Variants in DMD observed in about 807,000 individuals in gnomAD.
The protein encoded by DMD is mutant dystrophin.
In DMD, 63 loss-of-function variants were observed where a neutral mutation model predicts 330.1. The observed-to-expected ratio is 0.19, with a 90% CI of 0.16 to 0.24. DMD has a LOEUF of 0.24. Ranked by LOEUF, DMD falls within the 10% of genes least tolerant of loss-of-function variation. The pLI is 1.00. For synonymous variants in DMD, 1,223 were observed against 959.8 expected (o/e 1.27, Z -5.07); for missense variants, 3,344 against 2,684.1 (o/e 1.25, Z -5.43).
chrX:32,064,792 T>C (rs1019547183), intron 44 of DMD, among the ~76,000 whole-genome samples: 3 of 111,502 alleles, frequency 2.7e-5, no homozygotes, highest in Non-Finnish European at 5.7e-5. Flanking sequence ...CTCAACCCAT[T>C]CTTAAAATGT....
intron 1 of DMD, among the ~76,000 whole-genome samples, chrX:33,151,614 G>T (rs750832801): frequency 8.9e-5 from 10 of 111,929 alleles, no homozygotes; most frequent in African/African-American, 3.2e-4. Flanking sequence ...AGCCTGTCTG[G>T]GGTCAAATTC....
chrX:32,759,506 A>C (rs1389745192), intron 7 of DMD, among the ~76,000 whole-genome samples: 1 of 111,240 alleles, frequency 9.0e-6, no homozygotes, highest in Non-Finnish European at 1.9e-5. Flanking sequence ...CACACCTGGC[A>C]ACATGGGAGA....
chrX:33,067,813 C>T (rs983766030), intron 1 of DMD, among the ~76,000 whole-genome samples: 5 of 111,591 alleles, frequency 4.5e-5, no homozygotes, highest in South Asian at 3.8e-4. Context: ...CCACTGCACT[C>T]CAGCCTGGGC....
intron 47 of DMD, among the ~76,000 whole-genome samples, chrX:31,883,056 T>G (rs755530906): frequency 1.8e-5 from 2 of 111,831 alleles, no homozygotes; most frequent in African/African-American, 6.5e-5. Context: ...AGCCCCATAA[T>G]AGACACAGCC....
At chrX:33,297,884 C>T (rs2053606177) in intron 1 of DMD, among the ~76,000 whole-genome samples, 1 of 110,250 alleles carries the variant, frequency 9.1e-6, no homozygotes, top group African/African-American at 3.3e-5. Context: ...TAACGTACAG[C>T]ATGGTAACTG....
intron 78 of DMD, among the ~76,000 whole-genome samples, chrX:31,122,927 C>CTAAT (rs1187697024): frequency 9.0e-6 from 1 of 111,723 alleles, no homozygotes; most frequent in East Asian, 2.8e-4. Context: ...TTTTACATGG[C>CTAAT]TAATTTTAAT....
At chrX:32,682,554 T>C (rs1305855480) in intron 9 of DMD, among the ~76,000 whole-genome samples, 3 of 111,740 alleles carry the variant, frequency 2.7e-5, no homozygotes, top group South Asian at 7.5e-4. Flanking sequence ...ACTTAGTTTA[T>C]GATTTCAATT....
intron 52 of DMD, among the ~76,000 whole-genome samples, chrX:31,691,454 T>C (rs746011445): frequency 1.4e-3 from 159 of 111,259 alleles, no homozygotes; most frequent in African/African-American, 5.2e-3. Flanking sequence ...TGAATGTAAA[T>C]AGATTAAACT....
intron 21 of DMD, among the ~76,000 whole-genome samples, chrX:32,482,899 T>C (rs2042038481): frequency 9.2e-6 from 1 of 108,877 alleles, no homozygotes; most frequent in Non-Finnish European, 1.9e-5. Flanking sequence ...GCCAGGTTTT[T>C]GTGTGAAAAA....
chrX:31,427,096 T>A (rs1235930012), intron 60 of DMD, among the ~76,000 whole-genome samples: 2 of 111,723 alleles, frequency 1.8e-5, no homozygotes, highest in Non-Finnish European at 3.8e-5. Context: ...ATAATTTAAT[T>A]ATATTTCATC....
At chrX:31,295,646 A>C (rs1041614520) in intron 62 of DMD, among the ~76,000 whole-genome samples, 1 of 111,802 alleles carries the variant, frequency 8.9e-6, no homozygotes. Context: ...AACTCCTGAC[A>C]TCAAGTGATC....
At chrX:32,931,500 G>C (rs990717961) in intron 2 of DMD, among the ~76,000 whole-genome samples, 1 of 111,643 alleles carries the variant, frequency 9.0e-6, no homozygotes, top group Non-Finnish European at 1.9e-5. Context: ...TGAATCTTTT[G>C]TTCACATGTA....
At chrX:33,230,115 T>C (rs193201642) in intron 1 of DMD, among the ~76,000 whole-genome samples, 1 of 111,206 alleles carries the variant, frequency 9.0e-6, no homozygotes, top group East Asian at 2.8e-4. Flanking sequence ...CGACTATAGC[T>C]AAATATACAC....
chrX:32,716,257 T>C (rs1241323906), intron 7 of DMD, among the ~76,000 whole-genome samples: 3 of 110,956 alleles, frequency 2.7e-5, no homozygotes, highest in Non-Finnish European at 3.8e-5. Context: ...TGGTGGGAGA[T>C]GATAGGATCA....
At chrX:32,781,398 ACT>A (rs1338469020) in intron 7 of DMD, among the ~76,000 whole-genome samples, 3 of 111,945 alleles carry the variant, frequency 2.7e-5, no homozygotes, top group Non-Finnish European at 5.6e-5. Flanking sequence ...ACTGTTGTTT[ACT>A]CTGTTAATAT....
At chrX:32,442,461 C>G (rs1224173420) in intron 27 of DMD, among the ~76,000 whole-genome samples, 1 of 111,032 alleles carries the variant, frequency 9.0e-6, no homozygotes, top group Non-Finnish European at 1.9e-5. Context: ...CAATGAGATA[C>G]CATGTTGATT....
intron 63 of DMD, among the ~76,000 whole-genome samples, chrX:31,254,226 C>T (rs2049692942): frequency 8.9e-6 from 1 of 112,085 alleles, no homozygotes; most frequent in South Asian, 3.7e-4. Flanking sequence ...CCTTCATAAA[C>T]TGGTCTTCTT....
chrX:32,999,297 G>A (rs757248941), intron 2 of DMD, among the ~76,000 whole-genome samples: 2 of 111,741 alleles, frequency 1.8e-5, no homozygotes, highest in East Asian at 2.8e-4. Context: ...ATATTTTTTA[G>A]ATTTATTTTT....
At chrX:32,061,793 C>T (rs987638316) in intron 44 of DMD, among the ~76,000 whole-genome samples, 1 of 110,993 alleles carries the variant, frequency 9.0e-6, no homozygotes. Flanking sequence ...AGCAACACCA[C>T]GAAAGATTGT....
Sources: allele counts gnomAD v4.1 joint callset (sites outside exome capture counted in the v4.1 genomes callset), GRCh38; gene constraint gnomAD v4.1.1; transcripts MANE v1.5; gene names NCBI Gene and HGNC (gene_info 2026-07-23, HGNC 2026-07-21).